Variants in ABCG8 observed in about 807,000 individuals in gnomAD.
The protein encoded by ABCG8 is ATP-binding cassette sub-family G member 8.
ABCG8 carries 81 observed loss-of-function variants against 71.3 expected under a neutral mutation model. That is an observed-to-expected ratio of 1.14 (90% CI 0.95 to 1.37). ABCG8 has a LOEUF of 1.37. Ranked by LOEUF, ABCG8 falls within the 40% of genes most tolerant of loss-of-function variation. The pLI is 0.00. For missense variants in ABCG8, 1,119 were observed against 866.2 expected, an observed-to-expected ratio of 1.29 and a Z score of -3.66; for synonymous variants, 451 against 354.7, an observed-to-expected ratio of 1.27 and a Z score of -3.05.
intron 6 of ABCG8, among the ~76,000 whole-genome samples, chr2:43,868,876 C>G (rs1450997662): frequency 1.3e-5 from 2 of 151,364 alleles, no homozygotes; most frequent in African/African-American, 2.4e-5. Context: ...TAGAATTCTC[C>G]TCCTCTGGAT....
intron 6 of ABCG8, among the ~76,000 whole-genome samples, chr2:43,856,792 C>G (rs1296089907): frequency 1.3e-5 from 2 of 151,718 alleles, no homozygotes; most frequent in African/African-American, 4.9e-5. Context: ...CTCTCACTAT[C>G]TATCTGGATA....
At chr2:43,869,272 TCA>T (rs1669664552) in intron 6 of ABCG8, among the ~76,000 whole-genome samples, 1 of 152,058 alleles carries the variant, frequency 6.6e-6, no homozygotes. Context: ...GGTGGAACTC[TCA>T]CTATCTATCT....
chr2:43,846,499 G>A lies in ABCG8; in HGVS notation c.322+188G>A, dbSNP rs185202059. 25 of 802,166 alleles carry A rather than the reference G, an allele frequency of 3.1e-5. No homozygotes were observed. The African/African-American group carries it at 3.9e-4, about 13-fold the overall frequency. 49.7% of individuals were successfully genotyped at this position (802,166 alleles called of 1,614,324 possible). A position where few individuals can be genotyped will look rare whatever the true frequency, so the allele number is the denominator to read the frequency against. ...TCCTGGCTCCTCCATTTGCTGGCTT[G>A]AGGGTAGGTGCTGTTGTTAAGAGTC... On this transcript the variant is annotated intron_variant, in intron 3 of 12. Coordinates refer to ENST00000272286, the MANE Select transcript of ABCG8 (RefSeq NM_022437.3).
At chr2:43,862,904 A>T (rs1409725454) in intron 6 of ABCG8, among the ~76,000 whole-genome samples, 10 of 149,776 alleles carry the variant, frequency 6.7e-5, no homozygotes, top group African/African-American at 2.0e-4. Context: ...ACCATCTGGA[A>T]ACAACTCTTA....
intron 1 of ABCG8, among the ~76,000 whole-genome samples, chr2:43,843,663 A>G (rs1198679275): frequency 2.6e-5 from 4 of 152,154 alleles, no homozygotes; most frequent in Non-Finnish European, 5.9e-5. Flanking sequence ...AAAGAAAAAG[A>G]AATGATGGGG....
intron 6 of ABCG8, among the ~76,000 whole-genome samples, chr2:43,871,038 C>G (rs890719576): frequency 6.6e-6 from 1 of 151,630 alleles, no homozygotes; most frequent in Non-Finnish European, 1.5e-5. Context: ...CTCTCACTAT[C>G]TATCTGGATA....
rs1270573252 is a variant in ABCG8, at chr2:43,881,126, T to A, written c.*3213T>A. On this transcript the variant is annotated 3_prime_UTR_variant, in exon 13 of 13. Coordinates refer to ENST00000272286, the MANE Select transcript of ABCG8 (RefSeq NM_022437.3). ...AGTGATTGACAGCCACTAAGATACA[T>A]CACCTGACTTTGTGAGTTCACCATT... The A allele has an allele frequency of 2.0e-5, 3 of 152,256 alleles. No individual in the cohort carries two copies. The highest frequency in any genetic ancestry group is 4.4e-5 in the Non-Finnish European group (3 of 68,060). The allele number at this position is 152,256 out of a possible 1,614,324, so 9.4% of individuals were successfully genotyped here.
intron 8 of ABCG8, 29 bp from the exon 9 acceptor site, chr2:43,873,758 C>T: frequency 6.2e-7 from 1 of 1,607,304 alleles, no homozygotes; most frequent in East Asian, 2.2e-5. Context: ...ATGCTGTTGC[C>T]TCAGCATCTC....
intron 6 of ABCG8, among the ~76,000 whole-genome samples, chr2:43,867,405 C>A (rs1045370368): frequency 6.6e-6 from 1 of 151,558 alleles, no homozygotes; most frequent in African/African-American, 2.4e-5. Flanking sequence ...GGATAAAATT[C>A]TCACTCTAGA....
chr2:43,878,097 G>A lies in ABCG8; in HGVS notation c.*184G>A. The stretch of plus-strand genomic sequence containing the variant: ...GGATGGCAGTAGAATAAAGACAGTC[G>A]AAAGGGATTTCTGCTCACTGGCAGG... On this transcript the variant is annotated 3_prime_UTR_variant, in exon 13 of 13. Transcript: ENST00000272286. 1 of 838,088 alleles carries A rather than the reference G, an allele frequency of 1.2e-6. No individual in the cohort carries two copies. The highest frequency in any genetic ancestry group is 1.6e-5 in the South Asian group (1 of 64,456). 51.9% of individuals were successfully genotyped at this position (838,088 alleles called of 1,614,324 possible). A position where few individuals can be genotyped will look rare whatever the true frequency, so the allele number is the denominator to read the frequency against.
In ABCG8 at chr2:43,875,048, G is replaced by A; in HGVS notation, c.1489-98G>A. The A allele has an allele frequency of 4.5e-6, 7 of 1,544,230 alleles. No homozygotes were observed. The South Asian group carries it at 8.0e-5, about 18-fold the overall frequency. ...GCCACAGCCTCATCATCACCAGGAG[G>A]GAAGGTTGCTATCTGGGGGCACTGC... On this transcript the variant is annotated intron_variant, in intron 10 of 12. Transcript: ENST00000272286.
At chr2:43,853,668 C>T (rs1477546969) in intron 6 of ABCG8, among the ~76,000 whole-genome samples, 1 of 152,206 alleles carries the variant, frequency 6.6e-6, no homozygotes, top group Admixed American at 6.5e-5. Flanking sequence ...ACATGCCAGG[C>T]TCAAAGGGTC....
intron 6 of ABCG8, among the ~76,000 whole-genome samples, chr2:43,854,765 A>T (rs902049603): frequency 4.6e-5 from 7 of 152,120 alleles, no homozygotes; most frequent in African/African-American, 1.7e-4. Context: ...TGAGCTGGGT[A>T]TAGGGAGATC....
intron 11 of ABCG8, 116 bp from the exon 12 acceptor site, chr2:43,877,445 T>C: frequency 6.5e-7 from 1 of 1,530,794 alleles, no homozygotes; most frequent in South Asian, 1.1e-5. Context: ...CATGCAAATA[T>C]GGGCAGACCA....
At chr2:43,846,042 G>A (rs1458929034) in intron 2 of ABCG8, 113 bp from the exon 3 acceptor site, 4 of 1,116,254 alleles carry the variant, frequency 3.6e-6, no homozygotes, top group Non-Finnish European at 4.1e-6. Context: ...TGTAGGTGAG[G>A]ACATATCCTC....
chr2:43,854,024 G>T (rs911945740), intron 6 of ABCG8, among the ~76,000 whole-genome samples: 1 of 152,242 alleles, frequency 6.6e-6, no homozygotes, highest in African/African-American at 2.4e-5. Context: ...CAGAATAGGG[G>T]CCAAAAGGCA....
Position 43,852,378 on chromosome 2 carries a change from C to A in ABCG8, c.586C>A (p.Arg196=). ...KRVEDVIAEL[R]LRQCADTRVG... is the part of the protein sequence containing the mutation. ...GGTGGAGGACGTGATCGCGGAGCTG[C>A]GGCTTAGGCAGTGCGCTGACACCCG... Residue 196 remains arginine (R), a synonymous_variant, in exon 5 of 13, where the codon CGG becomes AGG. Transcript: ENST00000272286. 6.2e-7 allele frequency: 1 copy of A among 1,612,244 alleles called. No homozygotes were observed. The highest frequency in any genetic ancestry group is 2.2e-5 in the East Asian group (1 of 44,880).
At chr2:43,844,151 G>A (rs753251072) in intron 1 of ABCG8, among the ~76,000 whole-genome samples, 4 of 152,136 alleles carry the variant, frequency 2.6e-5, no homozygotes, top group Non-Finnish European at 5.9e-5. Context: ...CTCCAGTCAG[G>A]TCTTCTCAGA....
chr2:43,871,271 G>C (rs1285669857), intron 6 of ABCG8, among the ~76,000 whole-genome samples: 1 of 148,544 alleles, frequency 6.7e-6, no homozygotes, highest in Admixed American at 6.7e-5. Flanking sequence ...TCACCCTCTG[G>C]ATAGAACTCT....
Sources: allele counts gnomAD v4.1 joint callset (sites outside exome capture counted in the v4.1 genomes callset), GRCh38; gene constraint gnomAD v4.1.1; transcripts MANE v1.5; gene names NCBI Gene and HGNC (gene_info 2026-07-23, HGNC 2026-07-21).